GLCCI1: variants seen among roughly 807,000 people sequenced by gnomAD.
GLCCI1 encodes glucocorticoid-induced transcript 1 protein.
GLCCI1 carries 24 observed loss-of-function variants against 52.2 expected under a neutral mutation model. The observed-to-expected ratio is 0.46, with a 90% CI of 0.33 to 0.65. The LOEUF is 0.65. Ranked by LOEUF, GLCCI1 falls within the 30% of genes least tolerant of loss-of-function variation. The probability of loss-of-function intolerance (pLI) is 0.02; values close to 1 mark genes in which losing one functional copy is unlikely to be tolerated. For synonymous variants in GLCCI1, 310 were observed against 276.5 expected, an observed-to-expected ratio of 1.12 and a Z score of -1.20; for missense variants, 704 against 701.5, an observed-to-expected ratio of 1.00 and a Z score of -0.04.
chr7:8,019,529 G>C (rs113950404), intron 2 of GLCCI1, among the ~76,000 whole-genome samples: 3 of 152,020 alleles, frequency 2.0e-5, no homozygotes, highest in Non-Finnish European at 4.4e-5. Context: ...TCTTTCAGTC[G>C]TTTTTCTTTT....
At chr7:7,995,634 G>T (rs936689021) in intron 1 of GLCCI1, among the ~76,000 whole-genome samples, 1 of 152,042 alleles carries the variant, frequency 6.6e-6, no homozygotes, top group East Asian at 1.9e-4. Flanking sequence ...CATCATTCTC[G>T]GCAAACTATT....
chr7:7,992,044 TTTC>T, intron 1 of GLCCI1, among the ~76,000 whole-genome samples: 1 of 14,098 alleles, frequency 7.1e-5, no homozygotes, highest in Non-Finnish European at 1.7e-4. Flanking sequence ...GAATTTATTT[TTTC>T]TTTCTTTCTT....
chr7:8,079,423 T>C (rs1782947117), intron 6 of GLCCI1, among the ~76,000 whole-genome samples: 1 of 151,198 alleles, frequency 6.6e-6, no homozygotes, highest in Non-Finnish European at 1.5e-5. Context: ...CAATCCAATT[T>C]ATTTTGTTTA....
rs557260426 is a variant in GLCCI1 at position 8,001,862 on chromosome 7, T to C, written c.458-2046T>C. 1.6e-4 allele frequency among the ~76,000 whole-genome samples: 24 copies of C among 152,110 alleles called. No individual in the cohort carries two copies. In the South Asian group the frequency reaches 3.5e-3, roughly 22 times the overall value. On this transcript the variant is annotated intron_variant, in intron 1 of 7. Transcript: ENST00000223145. ...GCAAATTATCGCAAGGACCAAACAC[T>C]GCATGTCCTCACTCATAGGTGGGAA...
intron 3 of GLCCI1, among the ~76,000 whole-genome samples, chr7:8,052,041 T>C (rs1562442733): frequency 6.6e-6 from 1 of 152,228 alleles, no homozygotes; most frequent in Admixed American, 6.5e-5. Context: ...TACTACCCTA[T>C]AGGTCACCTT....
In GLCCI1 at chr7:8,086,115, G is replaced by T. The variant is rs183847342; in HGVS notation, c.1299-78G>T. 3.2e-6 allele frequency: 4 copies of T among 1,234,104 alleles called. No individual in the cohort carries two copies. The highest frequency in any genetic ancestry group is 1.4e-5 in the South Asian group (1 of 69,722). 76.4% of individuals were successfully genotyped at this position (1,234,104 alleles called of 1,614,324 possible). ...CCATTTACATTTTAGCTGTTTTAGA[G>T]AACTCCAGTTAATTCAGAAAATGCT... On this transcript the variant is annotated intron_variant, in intron 7 of 7. Coordinates refer to ENST00000223145, the MANE Select transcript of GLCCI1 (RefSeq NM_138426.4). This position sits in a 1 kb window ranked among gnomAD's most constrained non-coding sequence, Gnocchi z 4.4.
At chr7:8,032,002 A>G (rs1285970984) in intron 3 of GLCCI1, among the ~76,000 whole-genome samples, 1 of 152,114 alleles carries the variant, frequency 6.6e-6, no homozygotes, top group Non-Finnish European at 1.5e-5. Flanking sequence ...TAGAGATTTC[A>G]GCATCCCATT....
intron 6 of GLCCI1, among the ~76,000 whole-genome samples, chr7:8,083,863 TTC>T (rs1316930476): frequency 1.3e-5 from 2 of 152,206 alleles, no homozygotes; most frequent in Non-Finnish European, 2.9e-5. Context: ...TGATAAAACA[TTC>T]TTATTAGTCA....
intron 1 of GLCCI1, among the ~76,000 whole-genome samples, chr7:7,996,879 C>G (rs1020683827): frequency 4.6e-5 from 7 of 152,128 alleles, no homozygotes; most frequent in Non-Finnish European, 1.0e-4. Context: ...CAGATTCTAC[C>G]CACACTGAGA....
chr7:8,000,893 A>T (rs539605317), intron 1 of GLCCI1, among the ~76,000 whole-genome samples: 1 of 152,012 alleles, frequency 6.6e-6, no homozygotes, highest in Non-Finnish European at 1.5e-5. Flanking sequence ...TTTGCTTGGT[A>T]TATCTTCCTC....
chr7:8,085,545 A>C (rs536507442), intron 7 of GLCCI1, among the ~76,000 whole-genome samples: 1 of 152,368 alleles, frequency 6.6e-6, no homozygotes, highest in East Asian at 1.9e-4. Context: ...GCTCAGAAGA[A>C]GACTGTGGTT....
chr7:8,063,199 G>T (rs149517716), intron 5 of GLCCI1, among the ~76,000 whole-genome samples: 42 of 152,118 alleles, frequency 2.8e-4, no homozygotes, highest in African/African-American at 9.4e-4. Flanking sequence ...GTGCAATGGC[G>T]TGATCTTGGC....
At position 8,086,564 on chromosome 7, in the gene GLCCI1, A is replaced by G. The variant is rs12847; in HGVS notation, c.*26A>G. On this transcript the variant is annotated 3_prime_UTR_variant, in exon 8 of 8. Transcript: ENST00000223145. This position sits in a 1 kb window ranked among gnomAD's most constrained non-coding sequence, Gnocchi z 4.4. Reference sequence around the variant, plus strand: ...AAAAGGGGGAGCTGGCCTCCACCCTATGTTCCATGGATTCGGAACAAGATT... The same window carrying G: ...AAAAGGGGGAGCTGGCCTCCACCCTGTGTTCCATGGATTCGGAACAAGATT... 0.54 allele frequency: 823,578 copies of G among 1,529,596 alleles called. 222,686 individuals carry two copies. The highest frequency in any genetic ancestry group is 0.58 in the East Asian group (25,837 of 44,310). The allele number at this position is 1,529,596 out of a possible 1,614,324, so 94.8% of individuals were successfully genotyped here.
chr7:8,081,489 A>G (rs984296230), intron 6 of GLCCI1, among the ~76,000 whole-genome samples: 3 of 152,184 alleles, frequency 2.0e-5, no homozygotes, highest in African/African-American at 7.2e-5. Context: ...TATATGTGAT[A>G]TATATATTTT....
intron 1 of GLCCI1, chr7:7,981,986 G>A (rs1583943719): frequency 2.4e-6 from 1 of 418,690 alleles, no homozygotes; most frequent in East Asian, 6.6e-5. Flanking sequence ...ATCCAGATAA[G>A]TATGAGAAAG....
At chr7:7,971,040 G>T (rs1429613943) in intron 1 of GLCCI1, among the ~76,000 whole-genome samples, 2 of 152,090 alleles carry the variant, frequency 1.3e-5, no homozygotes, top group Non-Finnish European at 2.9e-5. Context: ...TAATATTTCA[G>T]ACCCGTAATT....
rs552187675 is a variant in GLCCI1 at position 7,988,248 on chromosome 7, GT to G, written c.458-15658del. Among the ~76,000 whole-genome samples, 509 of 152,262 alleles carry G rather than the reference GT, an allele frequency of 3.3e-3. 6 individuals carry two copies. Among genetic ancestry groups the G allele is most frequent in the African/African-American group, 0.012 (481 of 41,556 alleles). On this transcript the variant is annotated intron_variant, in intron 1 of 7. Coordinates refer to ENST00000223145, the MANE Select transcript of GLCCI1 (RefSeq NM_138426.4). ...AAAGGATCCAGAAAGTTCAACTAGT[GT>G]TACGTGTTTTAATGCTGATGAGCAG...
chr7:8,079,506 GTCATA>G (rs1169420053), intron 6 of GLCCI1, among the ~76,000 whole-genome samples: 1 of 151,432 alleles, frequency 6.6e-6, no homozygotes, highest in Non-Finnish European at 1.5e-5. Flanking sequence ...AGTTTTAACT[GTCATA>G]TCAGATTAAA....
intron 2 of GLCCI1, among the ~76,000 whole-genome samples, chr7:8,017,110 G>C (rs1051506392): frequency 4.6e-5 from 7 of 152,182 alleles, no homozygotes; most frequent in Non-Finnish European, 1.0e-4. Context: ...ATGTGCAGGA[G>C]AGCGTATTTA....
Sources: allele counts gnomAD v4.1 joint callset (sites outside exome capture counted in the v4.1 genomes callset), GRCh38; gene constraint gnomAD v4.1.1; non-coding constraint Gnocchi (gnomAD v3.1); transcripts MANE v1.5; gene names NCBI Gene and HGNC (gene_info 2026-07-23, HGNC 2026-07-21).